PDLIM3: variants seen among roughly 807,000 people sequenced by gnomAD.
PDLIM3 encodes PDZ and LIM domain 3, also known as PDZ and LIM domain protein 3.
Under a neutral mutation model 37.3 loss-of-function variants are expected in PDLIM3, and 36 were observed. The observed-to-expected ratio is 0.97, with a 90% CI of 0.74 to 1.28. PDLIM3 has a LOEUF of 1.28. PDLIM3 is among the 50% of genes most tolerant of loss of function. The pLI is 0.00. For missense variants in PDLIM3, 454 were observed against 485.0 expected (o/e 0.94, Z 0.60); for synonymous variants, 174 against 182.4 (o/e 0.95, Z 0.37).
At chr4:185,507,984 T>A (rs2095700565) in intron 5 of PDLIM3, among the ~76,000 whole-genome samples, 1 of 152,122 alleles carries the variant, frequency 6.6e-6, no homozygotes, top group Admixed American at 6.6e-5. Flanking sequence ...ACATTGTAGC[T>A]TTCGAGAGAC....
intron 4 of PDLIM3, among the ~76,000 whole-genome samples, chr4:185,509,641 T>G (rs376380592): frequency 2.5e-4 from 38 of 152,282 alleles, no homozygotes; most frequent in Middle Eastern, 3.4e-3. Flanking sequence ...CAAAAAGAAA[T>G]ATTAGTATTA....
At chr4:185,524,363 C>G (rs1304560355) in intron 2 of PDLIM3, among the ~76,000 whole-genome samples, 3 of 152,166 alleles carry the variant, frequency 2.0e-5, no homozygotes, top group African/African-American at 4.8e-5. Flanking sequence ...ACAATCATAA[C>G]AGGATAAACA....
Position 185,514,762 on chromosome 4 carries a change from G to T in PDLIM3, c.331-425C>A. 1.3e-6 allele frequency: 2 copies of T among 1,552,032 alleles called. No individual in the cohort carries two copies. Among genetic ancestry groups the T allele is most frequent in the South Asian group, 2.4e-5 (2 of 84,054 alleles). On this transcript the variant is annotated intron_variant, in intron 3 of 7. Coordinates refer to ENST00000284767, the MANE Select transcript of PDLIM3 (RefSeq NM_014476.6). The surrounding 1 kb of genome is among the most constrained non-coding windows in gnomAD (Gnocchi z 4.0). ...GTCCGTGAAGCGCATCTTGTATATT[G>T]CTAGTTGAATAGAGCCCAATTGGCG...
At chr4:185,533,035 G>A (rs1056415256) in intron 1 of PDLIM3, among the ~76,000 whole-genome samples, 8 of 152,156 alleles carry the variant, frequency 5.3e-5, no homozygotes, top group East Asian at 1.9e-4. Context: ...GTCAGAGCCT[G>A]TCCCACTGCT....
chr4:185,508,398 G>T lies in PDLIM3; in HGVS notation c.563C>A (p.Ala188Asp), dbSNP rs1370714820. 6.2e-7 allele frequency: 1 copy of T among 1,614,110 alleles called. No individual in the cohort carries two copies. The highest frequency in any genetic ancestry group is 1.7e-5 in the Admixed American group (1 of 60,020). ...CAACTGCATAGGTGTATTAAACTGAGCATGTACAATCTTCACACCAGGAAG... is the reference window on the plus strand; with the variant it reads ...CAACTGCATAGGTGTATTAAACTGATCATGTACAATCTTCACACCAGGAAG... ...MELPGVKIVH[A>D]QFNTPMQLYS... The change falls in exon 5 of 8, where the codon GCT (alanine) becomes GAT (aspartate). Residue 188 changes from alanine to aspartate, a missense_variant. Transcript: ENST00000284767.
At chr4:185,513,892 C>T in intron 4 of PDLIM3, 1 of 1,178,466 alleles carries the variant, frequency 8.5e-7, no homozygotes, top group African/African-American at 1.6e-5. Context: ...TGATTCCTTC[C>T]TCCTAACCGG....
At chr4:185,502,585 G>T in intron 7 of PDLIM3, 102 bp from the exon 8 acceptor site, 2 of 1,037,496 alleles carry the variant, frequency 1.9e-6, no homozygotes, top group Non-Finnish European at 1.5e-6. Flanking sequence ...CTATTTCACA[G>T]TCAGGAAACA....
At chr4:185,509,060 C>T (rs1482752736) in intron 4 of PDLIM3, among the ~76,000 whole-genome samples, 1 of 152,276 alleles carries the variant, frequency 6.6e-6, no homozygotes, top group Middle Eastern at 3.4e-3. Context: ...CATATTTGGG[C>T]TCAACATTTC....
rs1188446991 is a variant in PDLIM3, at chr4:185,504,577, G to A, written c.803C>T (p.Pro268Leu). The A allele has an allele frequency of 1.5e-5, 25 of 1,613,590 alleles. 1 individual carries two copies. The Middle Eastern group carries it at 4.9e-4, about 32-fold the overall frequency. ...AGCTCTCACACTCCGCGTTCCAGCCGGACGGTCATCTGAAAAACAAAGCGT... is the reference window on the plus strand; with the variant it reads ...AGCTCTCACACTCCGCGTTCCAGCCAGACGGTCATCTGAAAAACAAAGCGT... Reference protein sequence around the residue: ...GMVDDGSDDRPAGTRSVRAPV... With the variant: ...GMVDDGSDDRLAGTRSVRAPV... The change falls in exon 7 of 8, where the codon CCG (proline) becomes CTG (leucine). Residue 268 changes from proline to leucine, a missense_variant. Physicochemically the swap from Pro to Leu is moderately conservative, Grantham distance 98 (BLOSUM62 -3). Coordinates refer to ENST00000284767, the MANE Select transcript of PDLIM3 (RefSeq NM_014476.6). The surrounding 1 kb of genome is among the most constrained non-coding windows in gnomAD (Gnocchi z 4.7).
intron 1 of PDLIM3, among the ~76,000 whole-genome samples, chr4:185,528,586 T>C (rs2095738304): frequency 2.0e-5 from 3 of 152,334 alleles, no homozygotes; most frequent in Admixed American, 2.0e-4. Flanking sequence ...AGAAGAGGTG[T>C]CTAAGTAACC....
intron 1 of PDLIM3, among the ~76,000 whole-genome samples, chr4:185,528,429 T>TA (rs1362976946): frequency 6.6e-6 from 1 of 152,254 alleles, no homozygotes; most frequent in Non-Finnish European, 1.5e-5. Flanking sequence ...TGAATATTAC[T>TA]AAAATTTACT....
At chr4:185,513,769 TGGA>T (rs1436992595) in intron 4 of PDLIM3, 13 of 1,031,716 alleles carry the variant, frequency 1.3e-5, no homozygotes, top group Non-Finnish European at 1.5e-5. Context: ...CCCCTTAGGT[TGGA>T]GTTCAATTTC....
At chr4:185,518,770 A>G (rs2153337000) in intron 3 of PDLIM3, among the ~76,000 whole-genome samples, 1 of 152,306 alleles carries the variant, frequency 6.6e-6, no homozygotes, top group East Asian at 1.9e-4. Context: ...GCTGCCTTCC[A>G]GTTACCAAAA....
chr4:185,514,863 T>C lies in PDLIM3; in HGVS notation c.331-526A>G. The C allele has an allele frequency of 6.4e-7, 1 of 1,551,624 alleles. No homozygotes were observed. The highest frequency in any genetic ancestry group is 1.2e-5 in the South Asian group (1 of 84,050). On this transcript the variant is annotated intron_variant, in intron 3 of 7. Coordinates refer to ENST00000284767, the MANE Select transcript of PDLIM3 (RefSeq NM_014476.6). The surrounding 1 kb of genome is among the most constrained non-coding windows in gnomAD (Gnocchi z 4.0). ...GCAACAAAAGGCTGGGCCCTTCTGT[T>C]GTGCGCGGTACCAATGGGTTTGAAT...
intron 1 of PDLIM3, among the ~76,000 whole-genome samples, chr4:185,525,605 G>A (rs768709530): frequency 6.6e-6 from 1 of 151,974 alleles, no homozygotes; most frequent in South Asian, 2.1e-4. Flanking sequence ...TAAAATTCAC[G>A]TAAGAGGCAT....
At chr4:185,534,422 T>C (rs1580273503) in intron 1 of PDLIM3, among the ~76,000 whole-genome samples, 1 of 152,222 alleles carries the variant, frequency 6.6e-6, no homozygotes, top group Non-Finnish European at 1.5e-5. Flanking sequence ...GTTTTATATG[T>C]GATAACTGAA....
chr4:185,505,619 CAAAAA>C (rs1331856371), intron 6 of PDLIM3, among the ~76,000 whole-genome samples: 1 of 40,192 alleles, frequency 2.5e-5, no homozygotes, highest in Non-Finnish European at 7.4e-5. Flanking sequence ...GACTCCATCT[CAAAAA>C]AGAAAAAAAA....
At position 185,502,055 on chromosome 4, in the gene PDLIM3, T is replaced by C; in HGVS notation, c.*239A>G. On this transcript the variant is annotated 3_prime_UTR_variant, in exon 8 of 8. Transcript: ENST00000284767. Reference sequence around the variant, plus strand: ...ACATACAAAAAATTATTGCTTTAAATATCATTATTGCTAGCCCCAAAAAGA... The same window carrying C: ...ACATACAAAAAATTATTGCTTTAAACATCATTATTGCTAGCCCCAAAAAGA... 2 of 558,362 alleles carry C rather than the reference T, an allele frequency of 3.6e-6. No homozygotes were observed. The highest frequency in any genetic ancestry group is 6.4e-6 in the Non-Finnish European group (2 of 311,020). 34.6% of individuals were successfully genotyped at this position (558,362 alleles called of 1,614,324 possible). A position where few individuals can be genotyped will look rare whatever the true frequency, so the allele number is the denominator to read the frequency against.
At chr4:185,524,654 C>T (rs1346795109) in intron 2 of PDLIM3, among the ~76,000 whole-genome samples, 1 of 151,802 alleles carries the variant, frequency 6.6e-6, no homozygotes, top group Non-Finnish European at 1.5e-5. Flanking sequence ...GGGAATCTCT[C>T]CATTCCATTC....
Sources: allele counts gnomAD v4.1 joint callset (sites outside exome capture counted in the v4.1 genomes callset), GRCh38; gene constraint gnomAD v4.1.1; non-coding constraint Gnocchi (gnomAD v3.1); transcripts MANE v1.5; gene names NCBI Gene and HGNC (gene_info 2026-07-23, HGNC 2026-07-21).